AGMO: variants seen among roughly 807,000 people sequenced by gnomAD.
AGMO encodes glyceryl-ether monooxygenase.
A neutral mutation model predicts 60.2 loss-of-function variants in AGMO; 75 were observed. The observed-to-expected ratio is 1.25, with a 90% CI of 1.03 to 1.51. The LOEUF is 1.51. Among genes scored for constraint, AGMO ranks in the 40% most tolerant of loss-of-function variants. AGMO has a pLI of 0.00. For synonymous variants in AGMO, 261 were observed against 177.1 expected (o/e 1.47, Z -3.76); for missense variants, 763 against 525.5 (o/e 1.45, Z -4.42).
chr7:15,363,453 A>G (rs1782843239), intron 12 of AGMO, among the ~76,000 whole-genome samples: 1 of 152,208 alleles, frequency 6.6e-6, no homozygotes, highest in Admixed American at 6.5e-5. Context: ...GATGGATGTT[A>G]TACTTCCTCC....
chr7:15,520,206 T>C (rs1289759649), intron 3 of AGMO, among the ~76,000 whole-genome samples: 1 of 152,058 alleles, frequency 6.6e-6, no homozygotes, highest in Non-Finnish European at 1.5e-5. Flanking sequence ...AGCAAGTGCT[T>C]AGAGACCTAC....
At chr7:15,556,320 T>C in intron 2 of AGMO, among the ~76,000 whole-genome samples, 1 of 151,126 alleles carries the variant, frequency 6.6e-6, no homozygotes, top group Non-Finnish European at 1.5e-5. Flanking sequence ...TATATATGAT[T>C]GAACATTGTG....
At chr7:15,255,972 G>C (rs1181389458) in intron 12 of AGMO, among the ~76,000 whole-genome samples, 1 of 152,154 alleles carries the variant, frequency 6.6e-6, no homozygotes, top group African/African-American at 2.4e-5. Context: ...CAGATATCAG[G>C]GAGGTGAAGA....
intron 10 of AGMO, among the ~76,000 whole-genome samples, chr7:15,376,058 T>C (rs1783438580): frequency 6.6e-6 from 1 of 152,278 alleles, no homozygotes; most frequent in African/African-American, 2.4e-5. Context: ...AATGATCACT[T>C]TTCTACATTT....
chr7:15,261,620 A>G (rs1020185545), intron 12 of AGMO, among the ~76,000 whole-genome samples: 10 of 152,052 alleles, frequency 6.6e-5, no homozygotes, highest in African/African-American at 2.2e-4. Context: ...TAAAAGATAA[A>G]GAAAGAGGGA....
the AGMO span, among the ~76,000 whole-genome samples, chr7:15,170,738 A>C: frequency 6.6e-6 from 1 of 151,992 alleles, no homozygotes; most frequent in Non-Finnish European, 1.5e-5. Flanking sequence ...ATATCACCTT[A>C]GTTTTTTCCT....
At chr7:15,277,281 G>C (rs929714181) in intron 12 of AGMO, among the ~76,000 whole-genome samples, 1 of 150,744 alleles carries the variant, frequency 6.6e-6, no homozygotes, top group Non-Finnish European at 1.5e-5. Context: ...CTCCAACATG[G>C]GTTACAGAGC....
chr7:15,332,924 T>A (rs1781542003), intron 12 of AGMO, among the ~76,000 whole-genome samples: 1 of 152,174 alleles, frequency 6.6e-6, no homozygotes, highest in African/African-American at 2.4e-5. Flanking sequence ...TCATGATGCT[T>A]CCTGGGCATA....
At chr7:15,483,002 TA>T (rs1178484912) in intron 3 of AGMO, among the ~76,000 whole-genome samples, 7 of 152,190 alleles carry the variant, frequency 4.6e-5, no homozygotes, top group African/African-American at 1.7e-4. Flanking sequence ...TATCTATCTT[TA>T]AAATACTCCT....
intron 12 of AGMO, among the ~76,000 whole-genome samples, chr7:15,246,567 C>G (rs977488807): frequency 6.6e-6 from 1 of 152,106 alleles, no homozygotes; most frequent in Non-Finnish European, 1.5e-5. Flanking sequence ...AAATATACAT[C>G]CCCATACTTC....
chr7:15,297,625 C>T (rs974173044), intron 12 of AGMO, among the ~76,000 whole-genome samples: 8 of 152,134 alleles, frequency 5.3e-5, no homozygotes, highest in South Asian at 2.1e-4. Context: ...ATCTAACTAG[C>T]TTAATCCTTT....
intron 12 of AGMO, among the ~76,000 whole-genome samples, chr7:15,353,471 TG>T (rs935935266): frequency 6.6e-6 from 1 of 152,160 alleles, no homozygotes; most frequent in African/African-American, 2.4e-5. Context: ...GATCTACTCT[TG>T]GGGGGAATCC....
At chr7:15,517,560 G>C (rs1006516653) in intron 3 of AGMO, among the ~76,000 whole-genome samples, 2 of 151,682 alleles carry the variant, frequency 1.3e-5, no homozygotes, top group Non-Finnish European at 2.9e-5. Context: ...GGAAGTGCAA[G>C]GGGTCAGGAA....
chr7:15,489,505 C>A (rs980189979), intron 3 of AGMO, among the ~76,000 whole-genome samples: 4 of 152,126 alleles, frequency 2.6e-5, no homozygotes, highest in Non-Finnish European at 4.4e-5. Context: ...CCAACCTGCA[C>A]GGCCAGGAAC....
the AGMO span, among the ~76,000 whole-genome samples, chr7:15,184,504 TA>T: frequency 8.4e-5 from 2 of 23,770 alleles, no homozygotes; most frequent in Non-Finnish European, 8.0e-5. Context: ...AAGGAAGGAA[TA>T]GAAGGAAGGA....
chr7:15,130,236 ATATT>A, the AGMO span, among the ~76,000 whole-genome samples: 5 of 152,054 alleles, frequency 3.3e-5, no homozygotes, highest in South Asian at 2.1e-4. Context: ...AGAACTCTTA[ATATT>A]TATTTTCCTT....
chr7:15,291,823 AC>A, intron 12 of AGMO, among the ~76,000 whole-genome samples: 1 of 152,254 alleles, frequency 6.6e-6, no homozygotes, highest in Non-Finnish European at 1.5e-5. Flanking sequence ...AAAGGACATA[AC>A]CTGAAAGAAG....
intron 12 of AGMO, among the ~76,000 whole-genome samples, chr7:15,309,513 T>G (rs1780707464): frequency 6.6e-6 from 1 of 152,110 alleles, no homozygotes; most frequent in Non-Finnish European, 1.5e-5. Flanking sequence ...AGCGTCAACA[T>G]AAGATCTCAT....
chr7:15,509,680 A>G (rs1164730100), intron 3 of AGMO, among the ~76,000 whole-genome samples: 4 of 152,162 alleles, frequency 2.6e-5, no homozygotes, highest in African/African-American at 9.7e-5. Context: ...TAAAAGGTAT[A>G]TGACCCAAGA....
Sources: allele counts gnomAD v4.1 joint callset (sites outside exome capture counted in the v4.1 genomes callset), GRCh38; gene constraint gnomAD v4.1.1; transcripts MANE v1.5; gene names NCBI Gene and HGNC (gene_info 2026-07-23, HGNC 2026-07-21).